Variants in SLC9A9 observed in about 807,000 individuals in gnomAD.
SLC9A9 encodes the protein sodium/hydrogen exchanger 9.
In SLC9A9, 62 loss-of-function variants were observed where a neutral mutation model predicts 77.8. The observed-to-expected ratio is 0.80, with a 90% CI of 0.65 to 0.98. SLC9A9 has a LOEUF of 0.98. Among genes scored for constraint, SLC9A9 ranks in the 50% least tolerant of loss-of-function variants. SLC9A9 has a pLI of 0.00. For missense variants in SLC9A9, 775 were observed against 774.9 expected, an observed-to-expected ratio of 1.00 and a Z score of 0.00; for synonymous variants, 320 against 283.5, an observed-to-expected ratio of 1.13 and a Z score of -1.29.
intron 1 of SLC9A9, among the ~76,000 whole-genome samples, chr3:143,840,909 C>T (rs981615709): frequency 1.3e-5 from 2 of 152,126 alleles, no homozygotes; most frequent in African/African-American, 4.8e-5. Context: ...ATGATCTTGC[C>T]TATTTAGCAT....
At chr3:143,589,435 G>A (rs746727532) in intron 6 of SLC9A9, among the ~76,000 whole-genome samples, 17 of 151,908 alleles carry the variant, frequency 1.1e-4, no homozygotes, top group Admixed American at 4.6e-4. Flanking sequence ...ATTACAATAC[G>A]GTATTTTTTT....
chr3:143,609,844 A>C (rs1303343878), intron 6 of SLC9A9, among the ~76,000 whole-genome samples: 2 of 152,220 alleles, frequency 1.3e-5, no homozygotes, highest in Non-Finnish European at 2.9e-5. Context: ...TGCATTTATT[A>C]AACCAGTTCT....
chr3:143,322,918 AAAAACAAAAC>A (rs568418532), intron 14 of SLC9A9, among the ~76,000 whole-genome samples: 2 of 152,232 alleles, frequency 1.3e-5, no homozygotes, highest in Non-Finnish European at 1.5e-5. Context: ...ATTTCTCCAA[AAAAACAAAAC>A]AAAACAAAAC....
At chr3:143,291,201 A>G (rs1369698793) in intron 14 of SLC9A9, among the ~76,000 whole-genome samples, 1 of 152,138 alleles carries the variant, frequency 6.6e-6, no homozygotes, top group African/African-American at 2.4e-5. Context: ...CCTCCCTTTG[A>G]GCAGCACCCT....
At chr3:143,791,260 T>G (rs2008215679) in intron 4 of SLC9A9, among the ~76,000 whole-genome samples, 1 of 152,222 alleles carries the variant, frequency 6.6e-6, no homozygotes, top group Non-Finnish European at 1.5e-5. Context: ...CCAGAAGGAA[T>G]ATTGTTAAAC....
At chr3:143,649,809 A>T (rs1281850902) in intron 6 of SLC9A9, among the ~76,000 whole-genome samples, 1 of 152,152 alleles carries the variant, frequency 6.6e-6, no homozygotes, top group Non-Finnish European at 1.5e-5. Flanking sequence ...AAAATGGAAA[A>T]CTTTTTTTTC....
At chr3:143,685,453 A>G (rs1374300800) in intron 5 of SLC9A9, among the ~76,000 whole-genome samples, 1 of 152,144 alleles carries the variant, frequency 6.6e-6, no homozygotes, top group Non-Finnish European at 1.5e-5. Flanking sequence ...AAATTGGACA[A>G]GTCTCTGAAT....
chr3:143,316,855 C>T (rs938535828), intron 14 of SLC9A9, among the ~76,000 whole-genome samples: 5 of 152,078 alleles, frequency 3.3e-5, no homozygotes, highest in African/African-American at 7.2e-5. Context: ...AACAAGCCAC[C>T]GAGGAAGGAG....
At chr3:143,468,789 T>C (rs1293162751) in intron 11 of SLC9A9, among the ~76,000 whole-genome samples, 1 of 152,244 alleles carries the variant, frequency 6.6e-6, no homozygotes, top group Non-Finnish European at 1.5e-5. Flanking sequence ...ACCTGTTTTT[T>C]CTTATTTTAC....
intron 9 of SLC9A9, among the ~76,000 whole-genome samples, chr3:143,515,440 A>G (rs891942376): frequency 1.3e-5 from 2 of 152,258 alleles, no homozygotes; most frequent in African/African-American, 4.8e-5. Flanking sequence ...TCTGTAAAGC[A>G]CAATAAAGAG....
chr3:143,406,308 T>G (rs759124966), intron 12 of SLC9A9, among the ~76,000 whole-genome samples: 13 of 152,150 alleles, frequency 8.5e-5, no homozygotes, highest in Non-Finnish European at 1.5e-4. Flanking sequence ...GTTTTGTAAT[T>G]CACATAGATC....
chr3:143,777,887 G>A (rs1045803418), intron 4 of SLC9A9, among the ~76,000 whole-genome samples: 1 of 151,468 alleles, frequency 6.6e-6, no homozygotes, highest in Admixed American at 6.6e-5. Context: ...GCTAATTTTT[G>A]TATTTTTAGT....
At chr3:143,822,257 G>T (rs1430739047) in intron 2 of SLC9A9, among the ~76,000 whole-genome samples, 2 of 152,148 alleles carry the variant, frequency 1.3e-5, no homozygotes, top group Non-Finnish European at 2.9e-5. Context: ...TCAATCTCAA[G>T]GGCACTTGAT....
At chr3:143,703,614 A>G (rs1346755791) in intron 4 of SLC9A9, among the ~76,000 whole-genome samples, 1 of 151,986 alleles carries the variant, frequency 6.6e-6, no homozygotes, top group Non-Finnish European at 1.5e-5. Context: ...ATCAAGGAAG[A>G]AAAAAAACTT....
At chr3:143,476,324 C>T (rs1007431400) in intron 11 of SLC9A9, among the ~76,000 whole-genome samples, 2 of 152,198 alleles carry the variant, frequency 1.3e-5, no homozygotes, top group Admixed American at 1.3e-4. Context: ...AGCTTTCCCT[C>T]GTCTCTCTTC....
intron 4 of SLC9A9, among the ~76,000 whole-genome samples, chr3:143,749,293 C>G (rs530361614): frequency 6.6e-6 from 1 of 152,086 alleles, no homozygotes; most frequent in Non-Finnish European, 1.5e-5. Context: ...TCTTTCTCTA[C>G]TCCTGTTTTC....
At chr3:143,778,281 CAAG>C (rs1375760965) in intron 4 of SLC9A9, among the ~76,000 whole-genome samples, 1 of 152,054 alleles carries the variant, frequency 6.6e-6, no homozygotes, top group Non-Finnish European at 1.5e-5. Context: ...CCCTTTATGG[CAAG>C]ACTGTAACAA....
intron 2 of SLC9A9, among the ~76,000 whole-genome samples, chr3:143,814,277 G>A (rs2008946384): frequency 1.3e-5 from 2 of 152,280 alleles, no homozygotes; most frequent in South Asian, 4.1e-4. Flanking sequence ...AGAAATATGT[G>A]CCTGGTGGCA....
intron 14 of SLC9A9, among the ~76,000 whole-genome samples, chr3:143,297,188 T>TTG: frequency 6.6e-6 from 1 of 152,100 alleles, no homozygotes; most frequent in East Asian, 1.9e-4. Context: ...GAGTTGATTT[T>TTG]TGTGTGTGTG....
Sources: gnomAD v4.1 joint callset for allele counts (sites outside exome capture counted in the v4.1 genomes callset) on GRCh38, gnomAD v4.1.1 for gene constraint, MANE v1.5 for transcripts, NCBI Gene and HGNC (gene_info 2026-07-23, HGNC 2026-07-21) for gene names.